The following FGF12 variants were observed in gnomAD, a reference collection of about 807,000 sequenced individuals.
FGF12 encodes the protein fibroblast growth factor 12B.
Under a neutral mutation model 23.6 loss-of-function variants are expected in FGF12, and 14 were observed. That is an observed-to-expected ratio of 0.59 (90% CI 0.39 to 0.93). FGF12 has a LOEUF of 0.93. FGF12 is among the 40% of genes least tolerant of loss of function. FGF12 has a pLI of 0.00. For synonymous variants in FGF12, 62 were observed against 77.3 expected (o/e 0.80, Z 1.04); for missense variants, 175 against 217.8 (o/e 0.80, Z 1.24).
chr3:192,252,855 T>C (rs1056744605), intron 4 of FGF12, among the ~76,000 whole-genome samples: 2 of 152,170 alleles, frequency 1.3e-5, no homozygotes, highest in Admixed American at 6.5e-5. Flanking sequence ...AAAAGCATTA[T>C]ATCAAGTGTG....
At chr3:192,378,028 T>TCTCTCTCTTTCTTTCTTTCTTTCTCTCTC (rs10685325) in intron 2 of FGF12, among the ~76,000 whole-genome samples, 1 of 81,578 alleles carries the variant, frequency 1.2e-5, no homozygotes, top group Non-Finnish European at 2.6e-5. Flanking sequence ...ACTCTTTCTT[T>TCTCTCTCTTTCTTTCTTTCTTTCTCTCTC]TCTTTCTTTC....
rs958258907 is a variant in FGF12, at chr3:192,336,964, G to A, written c.125-1500C>T. Among the ~76,000 whole-genome samples, 3 of 151,996 alleles carry A rather than the reference G, an allele frequency of 2.0e-5. No homozygotes were observed. Among genetic ancestry groups the A allele is most frequent in the Admixed American group, 1.3e-4 (2 of 15,246 alleles). On this transcript the variant is annotated intron_variant, in intron 3 of 5. Coordinates refer to ENST00000445105, the MANE Select transcript of FGF12 (RefSeq NM_004113.6). The surrounding 1 kb of genome is among the most constrained non-coding windows in gnomAD (Gnocchi z 4.3). Reference sequence around the variant, plus strand: ...TTGAATCCATTTCCACATTTTTTACGAAAACTGAGACTAGATAAGAAACTG... The same window carrying A: ...TTGAATCCATTTCCACATTTTTTACAAAAACTGAGACTAGATAAGAAACTG...
chr3:192,626,615 G>T (rs569138230), intron 2 of FGF12, among the ~76,000 whole-genome samples: 3 of 152,200 alleles, frequency 2.0e-5, no homozygotes, highest in African/African-American at 7.2e-5. Flanking sequence ...TTGTTTGTTT[G>T]TTGTTTGTTT....
intron 2 of FGF12, among the ~76,000 whole-genome samples, chr3:192,384,393 A>AGG (rs1719954010): frequency 6.6e-6 from 1 of 152,216 alleles, no homozygotes; most frequent in Non-Finnish European, 1.5e-5. Context: ...GCTAGAGAAG[A>AGG]GGGGATGAAA....
chr3:192,191,236 A>C (rs1305166165), intron 4 of FGF12, among the ~76,000 whole-genome samples: 1 of 152,200 alleles, frequency 6.6e-6, no homozygotes, highest in African/African-American at 2.4e-5. Context: ...AGTCAGGTGA[A>C]TCCATGAAAA....
intron 2 of FGF12, among the ~76,000 whole-genome samples, chr3:192,656,815 G>A (rs548311229): frequency 1.5e-4 from 23 of 152,218 alleles, no homozygotes; most frequent in African/African-American, 5.3e-4. Flanking sequence ...TCCTTGACGC[G>A]ACCTGGCTTC....
At chr3:192,148,361 A>G (rs1713842973) in intron 5 of FGF12, among the ~76,000 whole-genome samples, 1 of 152,230 alleles carries the variant, frequency 6.6e-6, no homozygotes, top group Non-Finnish European at 1.5e-5. Flanking sequence ...AGTTACAAGG[A>G]GCCAAATATT....
At chr3:192,693,087 G>A (rs967059799) in intron 2 of FGF12, among the ~76,000 whole-genome samples, 3 of 151,946 alleles carry the variant, frequency 2.0e-5, no homozygotes, top group African/African-American at 7.2e-5. Context: ...AATGGTTTTA[G>A]TAAAGTTGCA....
At chr3:192,345,092 GCCA>G in intron 3 of FGF12, among the ~76,000 whole-genome samples, 2 of 152,114 alleles carry the variant, frequency 1.3e-5, no homozygotes, top group Non-Finnish European at 2.9e-5. Context: ...AAACTATGTT[GCCA>G]AAATCAATAC....
chr3:192,268,442 C>A (rs1028939028), intron 4 of FGF12, among the ~76,000 whole-genome samples: 2 of 152,152 alleles, frequency 1.3e-5, no homozygotes, highest in African/African-American at 4.8e-5. Flanking sequence ...TCTGTCCCTG[C>A]CCAAATCTCA....
At chr3:192,329,389 T>C (rs1462283749) in intron 4 of FGF12, among the ~76,000 whole-genome samples, 1 of 152,222 alleles carries the variant, frequency 6.6e-6, no homozygotes, top group African/African-American at 2.4e-5. Flanking sequence ...ACTCTTTACA[T>C]ATTTTATCAC....
At chr3:192,351,501 C>T (rs186473086) in intron 3 of FGF12, among the ~76,000 whole-genome samples, 165 of 152,282 alleles carry the variant, frequency 1.1e-3, no homozygotes, top group African/African-American at 3.8e-3. Context: ...GTGAAAGCCA[C>T]AGGTATCTCA....
intron 2 of FGF12, among the ~76,000 whole-genome samples, chr3:192,553,252 C>T (rs1475200042): frequency 1.3e-5 from 2 of 151,724 alleles, no homozygotes; most frequent in Non-Finnish European, 2.9e-5. Context: ...TAAAATGCAG[C>T]TTACTAGTCA....
intron 2 of FGF12, among the ~76,000 whole-genome samples, chr3:192,607,409 G>A (rs1317072045): frequency 6.6e-6 from 1 of 152,108 alleles, no homozygotes; most frequent in Non-Finnish European, 1.5e-5. Context: ...TGGAGTTAGT[G>A]GAAGAGGAGG....
chr3:192,156,245 C>A (rs1479284459), intron 5 of FGF12, among the ~76,000 whole-genome samples: 2 of 152,150 alleles, frequency 1.3e-5, no homozygotes, highest in African/African-American at 4.8e-5. Context: ...CTTGTCTTCC[C>A]AGTTCCCCAA....
At chr3:192,413,061 T>C (rs1208900220) in intron 2 of FGF12, among the ~76,000 whole-genome samples, 2 of 152,198 alleles carry the variant, frequency 1.3e-5, no homozygotes, top group East Asian at 3.8e-4. Flanking sequence ...GTTATATATA[T>C]ATAGTCTATG....
At chr3:192,447,613 G>A (rs1394040487) in intron 2 of FGF12, among the ~76,000 whole-genome samples, 2 of 152,072 alleles carry the variant, frequency 1.3e-5, no homozygotes, top group African/African-American at 4.8e-5. Flanking sequence ...TCCTCTCAAC[G>A]CTGTAACCTA....
At chr3:192,690,379 A>C (rs1263046270) in intron 2 of FGF12, among the ~76,000 whole-genome samples, 1 of 151,986 alleles carries the variant, frequency 6.6e-6, no homozygotes, top group Non-Finnish European at 1.5e-5. Context: ...ATACAATATA[A>C]AAAGAAATAA....
intron 2 of FGF12, among the ~76,000 whole-genome samples, chr3:192,414,655 G>T (rs1373845920): frequency 6.6e-6 from 1 of 152,082 alleles, no homozygotes; most frequent in African/African-American, 2.4e-5. Context: ...TAATGTGATC[G>T]CCCAAGGTCA....
Sources: allele counts gnomAD v4.1 joint callset (sites outside exome capture counted in the v4.1 genomes callset), GRCh38; gene constraint gnomAD v4.1.1; non-coding constraint Gnocchi (gnomAD v3.1); transcripts MANE v1.5; gene names NCBI Gene and HGNC (gene_info 2026-07-23, HGNC 2026-07-21).